The following SLC49A4 variants were observed in gnomAD, a reference collection of about 807,000 sequenced individuals.
SLC49A4 encodes the protein solute carrier family 49 member 4, also known as disrupted in renal cancer protein 2.
In SLC49A4, 36 loss-of-function variants were observed where a neutral mutation model predicts 50.6. The observed-to-expected ratio is 0.71, with a 90% confidence interval of 0.55 to 0.94. The LOEUF is 0.94. Among genes scored for constraint, SLC49A4 ranks in the 40% least tolerant of loss-of-function variants. The pLI is 0.00. For missense variants in SLC49A4, 503 were observed against 605.7 expected (o/e 0.83, Z 1.78); for synonymous variants, 248 against 241.2 (o/e 1.03, Z -0.26).
chr3:122,821,060 T>C (rs1936441435), intron 2 of SLC49A4, among the ~76,000 whole-genome samples: 1 of 152,148 alleles, frequency 6.6e-6, no homozygotes. Context: ...GATCTGATGG[T>C]TTTATAAAGG....
rs1003869301 is a variant in SLC49A4 at position 122,879,942 on chromosome 3, C to A, written c.*564C>A. On this transcript the variant is annotated 3_prime_UTR_variant, in exon 9 of 9. Coordinates refer to ENST00000261038, the MANE Select transcript of SLC49A4 (RefSeq NM_032839.3). ...TCCTTATTTTAATCAGGTCAGAAGC[C>A]CTTGGCCATCTTTACTATGGTGATC... The A allele has an allele frequency of 1.3e-5, 2 of 152,594 alleles. No homozygotes were observed. The highest frequency in any genetic ancestry group is 4.8e-5 in the African/African-American group (2 of 41,398). 9.5% of individuals were successfully genotyped at this position (152,594 alleles called of 1,614,324 possible).
chr3:122,827,399 C>A (rs1936545800), intron 3 of SLC49A4, among the ~76,000 whole-genome samples: 1 of 152,200 alleles, frequency 6.6e-6, no homozygotes, highest in Non-Finnish European at 1.5e-5. Flanking sequence ...TCATGACTGA[C>A]AATAACCTTT....
At chr3:122,843,485 A>G (rs1469591102) in intron 4 of SLC49A4, among the ~76,000 whole-genome samples, 3 of 152,220 alleles carry the variant, frequency 2.0e-5, no homozygotes, top group Admixed American at 1.3e-4. Flanking sequence ...TTAACTAAAA[A>G]CTTTTAAATA....
At chr3:122,878,028 G>A (rs1318936815) in intron 8 of SLC49A4, among the ~76,000 whole-genome samples, 1 of 152,030 alleles carries the variant, frequency 6.6e-6, no homozygotes, top group Admixed American at 6.6e-5. Flanking sequence ...GCATATTACA[G>A]AAAAAAAGGT....
Position 122,795,204 on chromosome 3 carries a change from C to G in SLC49A4, c.12C>G (p.Arg4=). 1 of 1,329,168 alleles carries G rather than the reference C, an allele frequency of 7.5e-7. No homozygotes were observed. Among genetic ancestry groups the G allele is most frequent in the African/African-American group, 1.5e-5 (1 of 64,790 alleles). 82.3% of individuals were successfully genotyped at this position (1,329,168 alleles called of 1,614,324 possible). Reference sequence around the variant, plus strand: ...GGCGACGCGTCGCCATGGGCTCTCGCTGGAGCAGCGAAGAGGAGAGGCAGC... The same window carrying G: ...GGCGACGCGTCGCCATGGGCTCTCGGTGGAGCAGCGAAGAGGAGAGGCAGC... MGS[R]WSSEEERQPL... Residue 4 remains arginine (R), a synonymous_variant, in exon 1 of 9, where the codon CGC becomes CGG. Coordinates refer to ENST00000261038, the MANE Select transcript of SLC49A4 (RefSeq NM_032839.3).
At chr3:122,835,459 A>G (rs1161525431) in intron 4 of SLC49A4, among the ~76,000 whole-genome samples, 1 of 151,880 alleles carries the variant, frequency 6.6e-6, no homozygotes, top group Admixed American at 6.6e-5. Flanking sequence ...GAGATTGTTT[A>G]AAATACGCAA....
At chr3:122,831,219 A>C (rs1936603684) in intron 3 of SLC49A4, among the ~76,000 whole-genome samples, 1 of 152,176 alleles carries the variant, frequency 6.6e-6, no homozygotes, top group Non-Finnish European at 1.5e-5. Flanking sequence ...ACAGTTTCAC[A>C]GTTCCTCAAA....
rs956714077 is a variant in SLC49A4, at chr3:122,860,306, A to C, written c.1138+104A>C. 17 of 1,172,860 alleles carry C rather than the reference A, an allele frequency of 1.4e-5. No individual in the cohort carries two copies. The South Asian group carries it at 4.3e-4, about 29-fold the overall frequency. The allele number at this position is 1,172,860 out of a possible 1,614,324, so 72.7% of individuals were successfully genotyped here. On this transcript the variant is annotated intron_variant, in intron 7 of 8. Transcript: ENST00000261038. ...TTCTTGCTTTCTGTAAGTAATTGTT[A>C]AATATACAAAAAAGTTTCTCTTGTC...
At chr3:122,817,858 G>A (rs759239303) in intron 2 of SLC49A4, among the ~76,000 whole-genome samples, 2 of 140,576 alleles carry the variant, frequency 1.4e-5, no homozygotes, top group Non-Finnish European at 3.0e-5. Context: ...GCCTCCCAAA[G>A]TGCTAGGATT....
At chr3:122,820,394 G>C (rs1433820927) in intron 2 of SLC49A4, among the ~76,000 whole-genome samples, 3 of 152,202 alleles carry the variant, frequency 2.0e-5, no homozygotes, top group African/African-American at 7.2e-5. Context: ...TCTGGAAGGG[G>C]TTGGGTTATC....
At chr3:122,876,311 C>G (rs868428758) in intron 8 of SLC49A4, among the ~76,000 whole-genome samples, 34 of 152,156 alleles carry the variant, frequency 2.2e-4, no homozygotes, top group African/African-American at 8.0e-4. Flanking sequence ...TTGCTAAAAG[C>G]ATCATGATTT....
intron 4 of SLC49A4, among the ~76,000 whole-genome samples, chr3:122,840,761 G>GA: frequency 6.6e-6 from 1 of 152,168 alleles, no homozygotes; most frequent in African/African-American, 2.4e-5. Context: ...ATTTACCGTT[G>GA]AAAAAGTATG....
chr3:122,816,996 A>G (rs934448174), intron 2 of SLC49A4, among the ~76,000 whole-genome samples: 2 of 152,224 alleles, frequency 1.3e-5, no homozygotes, highest in South Asian at 2.1e-4. Flanking sequence ...GTAATAGTTA[A>G]TCATCTCTAC....
intron 5 of SLC49A4, among the ~76,000 whole-genome samples, chr3:122,846,079 T>C (rs1378030216): frequency 6.6e-6 from 1 of 152,214 alleles, no homozygotes; most frequent in Non-Finnish European, 1.5e-5. Context: ...TTCACATTTC[T>C]GTGGGCATTA....
intron 2 of SLC49A4, among the ~76,000 whole-genome samples, chr3:122,813,555 G>A (rs539989813): frequency 3.3e-5 from 5 of 151,926 alleles, no homozygotes; most frequent in Non-Finnish European, 7.4e-5. Flanking sequence ...AATCATGAAT[G>A]GATAGAATTT....
At chr3:122,861,853 G>T (rs778570530) in intron 7 of SLC49A4, among the ~76,000 whole-genome samples, 3 of 152,212 alleles carry the variant, frequency 2.0e-5, no homozygotes, top group Non-Finnish European at 4.4e-5. Context: ...GCAGCACAGG[G>T]ATCTGCAACA....
At chr3:122,808,689 C>T (rs1936257973) in intron 2 of SLC49A4, among the ~76,000 whole-genome samples, 1 of 152,098 alleles carries the variant, frequency 6.6e-6, no homozygotes, top group South Asian at 2.1e-4. Context: ...TGCTCGGCTG[C>T]TCCTTTGAGA....
intron 8 of SLC49A4, 60 bp downstream of exon 8, chr3:122,872,657 T>C: frequency 7.8e-7 from 1 of 1,280,258 alleles, no homozygotes; most frequent in Admixed American, 2.5e-5. Context: ...TTTGGGTCAC[T>C]AGTGTATAGA....
rs925582916 is a variant in SLC49A4 at position 122,795,071 on chromosome 3, T to A, written c.-122T>A. The A allele has an allele frequency of 2.1e-5, 24 of 1,155,108 alleles. No individual in the cohort carries two copies. Among genetic ancestry groups the A allele is most frequent in the Non-Finnish European group, 2.6e-5 (24 of 922,564 alleles). The allele number at this position is 1,155,108 out of a possible 1,614,324, so 71.6% of individuals were successfully genotyped here. A position where few individuals can be genotyped will look rare whatever the true frequency, so the allele number is the denominator to read the frequency against. On this transcript the variant is annotated 5_prime_UTR_variant, in exon 1 of 9. Coordinates refer to ENST00000261038, the MANE Select transcript of SLC49A4 (RefSeq NM_032839.3). Reference sequence around the variant, plus strand: ...GGCCGCGCAGGCGCACCAGGCGCGGTCCGGAGGCCGAGGGCGACCACAGCA... The same window carrying A: ...GGCCGCGCAGGCGCACCAGGCGCGGACCGGAGGCCGAGGGCGACCACAGCA...
Sources: gnomAD v4.1 joint callset for allele counts (sites outside exome capture counted in the v4.1 genomes callset) on GRCh38, gnomAD v4.1.1 for gene constraint, MANE v1.5 for transcripts, NCBI Gene and HGNC (gene_info 2026-07-23, HGNC 2026-07-21) for gene names.